Variants in GSE1 observed in about 807,000 individuals in gnomAD.
GSE1 encodes genetic suppressor element 1.
Under a neutral mutation model 112.6 loss-of-function variants are expected in GSE1, and 32 were observed. That is an observed-to-expected ratio of 0.28 (90% CI 0.21 to 0.38). The LOEUF is 0.38. GSE1 is among the 10% of genes least tolerant of loss of function. The probability of loss-of-function intolerance (pLI) is 1.00; values close to 1 mark genes in which losing one functional copy is unlikely to be tolerated. For synonymous variants in GSE1, 1,115 were observed against 735.6 expected (o/e 1.52, Z -8.35); for missense variants, 2,348 against 1,699.2 (o/e 1.38, Z -6.71).
intron 2 of GSE1, among the ~76,000 whole-genome samples, chr16:85,489,478 A>G (rs1479434958): frequency 2.0e-5 from 3 of 151,978 alleles, no homozygotes; most frequent in East Asian, 3.9e-4. Flanking sequence ...AGGCAGTGGC[A>G]TATCGCCCTT....
chr16:85,463,160 G>A lies in GSE1; in HGVS notation c.2464+105517G>A, dbSNP rs372694627. ...CAGCTCACCGCCCCGTGGACGGGAG[G>A]GTGGGGGGTCCGGGATGGAACTTTC... On this transcript the variant is annotated intron_variant, in intron 2 of 2. Coordinates refer to the GSE1 transcript ENST00000637419. 19 of 972,726 alleles carry A rather than the reference G, an allele frequency of 2.0e-5. No individual in the cohort carries two copies. In the Admixed American group the frequency reaches 2.5e-4, roughly 13 times the overall value. The allele number at this position is 972,726 out of a possible 1,614,324, so 60.3% of individuals were successfully genotyped here.
chr16:85,260,577 C>T (rs2144101684), intron 1 of GSE1, among the ~76,000 whole-genome samples: 1 of 152,288 alleles, frequency 6.6e-6, no homozygotes, highest in East Asian at 1.9e-4. Flanking sequence ...CCTGCCTCGG[C>T]CTCCCAAAGT....
intron 2 of GSE1, among the ~76,000 whole-genome samples, chr16:85,455,385 G>C: frequency 6.6e-6 from 1 of 150,644 alleles, no homozygotes; most frequent in African/African-American, 2.5e-5. Context: ...TTACAAAAGA[G>C]AGAGAGAGAG....
intron 1 of GSE1, among the ~76,000 whole-genome samples, chr16:85,269,920 C>T (rs759103695): frequency 9.4e-5 from 14 of 149,674 alleles, no homozygotes; most frequent in South Asian, 2.1e-4. Context: ...GTTCTGTGGA[C>T]GCTTTGGAGG....
At chr16:85,341,527 A>T (rs1250340362) in intron 1 of GSE1, among the ~76,000 whole-genome samples, 1 of 152,022 alleles carries the variant, frequency 6.6e-6, no homozygotes, top group Non-Finnish European at 1.5e-5. Context: ...GCTTGGTGGC[A>T]GGCACCTGTA....
At chr16:85,628,881 A>G (rs949266431) in intron 1 of GSE1, among the ~76,000 whole-genome samples, 2 of 152,108 alleles carry the variant, frequency 1.3e-5, no homozygotes, top group African/African-American at 4.8e-5. Context: ...TACCACTGAT[A>G]GGGTTTGGAT....
chr16:85,256,521 C>T (rs567219552), intron 1 of GSE1, among the ~76,000 whole-genome samples: 8 of 152,220 alleles, frequency 5.3e-5, no homozygotes, highest in Non-Finnish European at 8.8e-5. Flanking sequence ...GGGTCAGGGC[C>T]GCCCAGGCAC....
At chr16:85,318,280 G>C (rs1183952487) in intron 1 of GSE1, among the ~76,000 whole-genome samples, 1 of 152,114 alleles carries the variant, frequency 6.6e-6, no homozygotes, top group Non-Finnish European at 1.5e-5. Flanking sequence ...TTTTTGGATG[G>C]GGGGATAGGG....
rs114610920 is a variant in GSE1, at chr16:85,580,950, G to C, written c.37+24587G>C. Among the ~76,000 whole-genome samples the C allele has an allele frequency of 4.7e-3, 713 of 152,370 alleles. 9 individuals carry two copies. The highest frequency in any genetic ancestry group is 0.016 in the African/African-American group (650 of 41,586). ...TAAATTTCTGTGTTTAAGCCACGAA[G>C]TCTGGGGTGTTTTGTTTGGTAGCCT... On this transcript the variant is annotated intron_variant, in intron 1 of 2. Transcript: ENST00000635906.
chr16:85,319,648 C>T (rs111595244), intron 1 of GSE1, among the ~76,000 whole-genome samples: 11,978 of 152,174 alleles, frequency 0.079, 611 homozygotes, highest in African/African-American at 0.14. Flanking sequence ...ATAGGGCCCT[C>T]GAACACCGCC....
chr16:85,388,501 T>A (rs1449637319), intron 2 of GSE1, among the ~76,000 whole-genome samples: 188 of 146,440 alleles, frequency 1.3e-3, no homozygotes, highest in African/African-American at 4.6e-3. Flanking sequence ...GGTGGATGGA[T>A]GGATGGATGG....
chr16:85,494,754 A>T (rs532481915), intron 2 of GSE1, among the ~76,000 whole-genome samples: 1 of 152,148 alleles, frequency 6.6e-6, no homozygotes, highest in African/African-American at 2.4e-5. Flanking sequence ...TTTGGGGGGA[A>T]CTCTATTAAA....
chr16:85,581,574 C>T (rs867960280), intron 1 of GSE1, among the ~76,000 whole-genome samples: 2 of 152,166 alleles, frequency 1.3e-5, no homozygotes, highest in Admixed American at 6.5e-5. Flanking sequence ...CCTGGTCCTA[C>T]CGCTCTCCTC....
At chr16:85,584,631 G>A (rs997625195) in intron 1 of GSE1, among the ~76,000 whole-genome samples, 3 of 152,138 alleles carry the variant, frequency 2.0e-5, no homozygotes, top group African/African-American at 7.2e-5. Context: ...GTTATTTGGC[G>A]AAAGCCATCT....
chr16:85,514,278 A>C (rs1190521857), intron 2 of GSE1, among the ~76,000 whole-genome samples: 1 of 146,640 alleles, frequency 6.8e-6, no homozygotes, highest in Non-Finnish European at 1.5e-5. Context: ...CCTCCAGTTG[A>C]GATTCAGGGG....
chr16:85,455,405 A>G lies in GSE1; in HGVS notation c.2464+97762A>G, dbSNP rs113068904. Among the ~76,000 whole-genome samples the G allele has an allele frequency of 5.1e-3, 762 of 150,860 alleles. 7 individuals carry two copies. Among genetic ancestry groups the G allele is most frequent in the African/African-American group, 0.018 (721 of 40,730 alleles). On this transcript the variant is annotated intron_variant, in intron 2 of 2. Transcript: ENST00000637419. ...AAAGAGAGAGAGAGAGAGAGAGAGA[A>G]AGAAAGAAAAGAAAAGAAAAGAAAA...
intron 1 of GSE1, among the ~76,000 whole-genome samples, chr16:85,558,464 A>T (rs780106828): frequency 6.6e-6 from 1 of 152,182 alleles, no homozygotes; most frequent in Non-Finnish European, 1.5e-5. Context: ...CAGGTGACCG[A>T]TTTTCTGTTT....
intron 1 of GSE1, among the ~76,000 whole-genome samples, chr16:85,320,430 A>C (rs2046079091): frequency 6.9e-6 from 1 of 143,956 alleles, no homozygotes; most frequent in Admixed American, 6.8e-5. Context: ...GGCCGCCACC[A>C]TACCCGGCTA....
At chr16:85,638,396 T>A (rs974481753) in intron 2 of GSE1, among the ~76,000 whole-genome samples, 1 of 152,168 alleles carries the variant, frequency 6.6e-6, no homozygotes, top group Non-Finnish European at 1.5e-5. Flanking sequence ...CCCTTTAACC[T>A]ACTCACCTAC....
Sources: allele counts gnomAD v4.1 joint callset (sites outside exome capture counted in the v4.1 genomes callset), GRCh38; gene constraint gnomAD v4.1.1; transcripts MANE v1.5; gene names NCBI Gene and HGNC (gene_info 2026-07-23, HGNC 2026-07-21).